Variants in SYTL2 observed in about 807,000 individuals in gnomAD.
SYTL2 encodes the protein synaptotagmin like 2.
SYTL2 carries 165 observed loss-of-function variants against 198.7 expected under a neutral mutation model. The ratio of observed to expected loss-of-function variants is 0.83; its 90% CI spans 0.73 to 0.94. The LOEUF (loss-of-function observed/expected upper bound fraction) is 0.94. Ranked by LOEUF, SYTL2 falls within the 40% of genes least tolerant of loss-of-function variation. The probability of loss-of-function intolerance (pLI) is 0.00; values close to 1 mark genes in which losing one functional copy is unlikely to be tolerated. For synonymous variants in SYTL2, 966 were observed against 917.7 expected (o/e 1.05, Z -0.95); for missense variants, 2,835 against 2,582.8 (o/e 1.10, Z -2.12).
intron 1 of SYTL2, among the ~76,000 whole-genome samples, chr11:85,759,793 G>C (rs772141943): frequency 2.0e-5 from 3 of 152,160 alleles, no homozygotes; most frequent in Non-Finnish European, 4.4e-5. Context: ...ATTTGCATGT[G>C]CTTGCATATG....
intron 1 of SYTL2, among the ~76,000 whole-genome samples, chr11:85,765,953 T>C (rs570413768): frequency 1.8e-4 from 27 of 152,262 alleles, no homozygotes; most frequent in African/African-American, 6.3e-4. Context: ...GCATCACACA[T>C]GACCAACCAT....
chr11:85,699,850 T>C (rs1270854591), intron 17 of SYTL2, among the ~76,000 whole-genome samples: 1 of 152,162 alleles, frequency 6.6e-6, no homozygotes, highest in Non-Finnish European at 1.5e-5. Context: ...AAGGAGGCAA[T>C]TAATAATCTT....
At chr11:85,712,945 T>G (rs559752440) in intron 12 of SYTL2, among the ~76,000 whole-genome samples, 36 of 152,252 alleles carry the variant, frequency 2.4e-4, no homozygotes, top group Admixed American at 6.5e-4. Context: ...CTCAAACTCC[T>G]GGGCCTCAAG....
chr11:85,719,593 C>A (rs1174257407), intron 9 of SYTL2, among the ~76,000 whole-genome samples: 1 of 151,970 alleles, frequency 6.6e-6, no homozygotes, highest in African/African-American at 2.4e-5. Context: ...ATTCGACTCG[C>A]CTTCTCTGGA....
At chr11:85,804,551 C>T (rs1397744648) in intron 1 of SYTL2, among the ~76,000 whole-genome samples, 1 of 151,994 alleles carries the variant, frequency 6.6e-6, no homozygotes, top group African/African-American at 2.4e-5. Context: ...AAAATAGTAT[C>T]AATAATAGAT....
At chr11:85,705,593 T>C (rs1346118194) in intron 15 of SYTL2, among the ~76,000 whole-genome samples, 1 of 152,214 alleles carries the variant, frequency 6.6e-6, no homozygotes, top group Non-Finnish European at 1.5e-5. Context: ...CTGCTGCATA[T>C]GGCCAAGTAG....
intron 1 of SYTL2, among the ~76,000 whole-genome samples, chr11:85,763,408 G>A (rs1481510886): frequency 6.6e-6 from 1 of 152,206 alleles, no homozygotes; most frequent in Non-Finnish European, 1.5e-5. Context: ...CACATAGTTG[G>A]TGCTTGCCTT....
In SYTL2 at chr11:85,725,553, G is replaced by C. The variant is rs115359501; in HGVS notation, c.3805C>G (p.Pro1269Ala). 2.9e-5 allele frequency: 47 copies of C among 1,614,034 alleles called. No homozygotes were observed. In the African/African-American group the frequency reaches 5.6e-4, roughly 19 times the overall value. Residue 1269 changes from proline to alanine, a missense_variant, in exon 8 of 20, where the codon CCT becomes GCT. By Grantham distance (27) the Pro-to-Ala change is conservative. Around this residue, in one of 3 missense-constraint regions of SYTL2, gnomAD observed 2,645 missense variants for 2,381.7 expected, o/e 1.11. Transcript: ENST00000359152. ...TSADKREILA[P>A]FPVRDETFGN... The stretch of plus-strand genomic sequence containing the variant: ...AAAGTTTCATCTCTCACTGGAAAAG[G>C]AGCTAGTATTTCTCTCTTATCAGCT...
intron 1 of SYTL2, among the ~76,000 whole-genome samples, chr11:85,781,484 A>G (rs1045430813): frequency 6.6e-6 from 1 of 152,026 alleles, no homozygotes; most frequent in Non-Finnish European, 1.5e-5. Flanking sequence ...ACATTTCAAA[A>G]CCAGTTATGC....
chr11:85,800,605 C>T lies in SYTL2; in HGVS notation c.-390+10349G>A, dbSNP rs1193111781. Reference sequence around the variant, plus strand: ...CCAGGAATTTAAAAGGTACAACTTACTCCCTATGCACTGAATGTCAGCCCA... The same window carrying T: ...CCAGGAATTTAAAAGGTACAACTTATTCCCTATGCACTGAATGTCAGCCCA... On this transcript the variant is annotated intron_variant, in intron 1 of 19. Transcript: ENST00000359152. Among the ~76,000 whole-genome samples, 7 of 152,120 alleles carry T rather than the reference C, an allele frequency of 4.6e-5. No individual in the cohort carries two copies. The East Asian group carries it at 1.3e-3, about 29-fold the overall frequency.
intron 7 of SYTL2, among the ~76,000 whole-genome samples, chr11:85,730,618 C>T (rs979115414): frequency 1.3e-5 from 2 of 152,104 alleles, no homozygotes; most frequent in East Asian, 3.8e-4. Flanking sequence ...CTATTTATAA[C>T]AAACCCACAG....
At chr11:85,698,814 C>T (rs2083814000) in intron 17 of SYTL2, among the ~76,000 whole-genome samples, 1 of 152,252 alleles carries the variant, frequency 6.6e-6, no homozygotes, top group Admixed American at 6.5e-5. Context: ...GTTGGGATTA[C>T]AGGCGTGAGC....
intron 1 of SYTL2, among the ~76,000 whole-genome samples, chr11:85,761,088 G>C (rs181483533): frequency 4.1e-4 from 62 of 152,148 alleles, no homozygotes; most frequent in African/African-American, 1.5e-3. Context: ...TGGAGGTGCA[G>C]CAAGGGAACA....
chr11:85,838,022 G>A, the SYTL2 span, among the ~76,000 whole-genome samples: 2,843 of 152,084 alleles, frequency 0.019, 42 homozygotes, highest in Non-Finnish European at 0.03. Context: ...TATTTATGCC[G>A]GTAGCACCCC....
At chr11:85,722,681 TAC>T (rs1227904633) in intron 8 of SYTL2, among the ~76,000 whole-genome samples, 11 of 151,918 alleles carry the variant, frequency 7.2e-5, no homozygotes, top group African/African-American at 2.4e-4. Context: ...TTCTTGCCAT[TAC>T]ATTAATTAAT....
intron 1 of SYTL2, among the ~76,000 whole-genome samples, chr11:85,803,455 A>G (rs539842092): frequency 1.3e-5 from 2 of 152,324 alleles, no homozygotes; most frequent in African/African-American, 2.4e-5. Context: ...AACTGCAGGA[A>G]TAAGTGGCTG....
chr11:85,725,861 G>T lies in SYTL2; in HGVS notation c.3497C>A (p.Ser1166Tyr), dbSNP rs2089093783. 6.2e-7 allele frequency: 1 copy of T among 1,613,864 alleles called. No homozygotes were observed. The highest frequency in any genetic ancestry group is 1.3e-5 in the African/African-American group (1 of 75,042). The change falls in exon 8 of 20, where the codon TCT becomes TAT. Residue 1166 changes from serine to tyrosine, a missense_variant. Ser to Tyr is a moderately radical substitution (Grantham distance 144, BLOSUM62 -2). This residue lies in a region of SYTL2 where 2,645 missense variants were observed against 2,381.7 expected (regional missense o/e 1.11). Coordinates refer to ENST00000359152, the MANE Select transcript of SYTL2 (RefSeq NM_206927.4). ...HGKQVLEPSV[S>Y]ENRTWPQKTD... is the part of the protein sequence containing the mutation. ...TTTTTGAGGCCATGTCCTATTTTCA[G>T]AAACACTTGGTTCAAGCACTTGTTT...
intron 1 of SYTL2, among the ~76,000 whole-genome samples, chr11:85,766,672 C>T (rs1456430614): frequency 1.3e-5 from 2 of 152,098 alleles, no homozygotes; most frequent in Non-Finnish European, 2.9e-5. Context: ...AATTTGTATG[C>T]GCCAGAAGTT....
At chr11:85,714,792 C>T in intron 11 of SYTL2, 1 of 688,138 alleles carries the variant, frequency 1.5e-6, no homozygotes, top group Non-Finnish European at 1.9e-6. Flanking sequence ...TCAAATTATA[C>T]TGTCAGTGTG....
Sources: gnomAD v4.1 joint callset for allele counts (sites outside exome capture counted in the v4.1 genomes callset) on GRCh38, gnomAD v4.1.1 for gene constraint, gnomAD v4.1.1 regional missense constraint, MANE v1.5 for transcripts, NCBI Gene and HGNC (gene_info 2026-07-23, HGNC 2026-07-21) for gene names.